Variants in RP1 observed in about 807,000 individuals in gnomAD.
RP1 encodes oxygen-regulated protein 1.
A neutral mutation model predicts 14.8 loss-of-function variants in RP1; 16 were observed. The observed-to-expected ratio is 1.08, with a 90% CI of 0.73 to 1.65. The LOEUF is 1.65. Among genes scored for constraint, RP1 ranks in the 40% most tolerant of loss-of-function variants. The probability of loss-of-function intolerance (pLI) is 0.00; values close to 1 mark genes in which losing one functional copy is unlikely to be tolerated. For synonymous variants in RP1, 876 were observed against 883.6 expected (o/e 0.99, Z 0.15); for missense variants, 2,631 against 2,535.0 (o/e 1.04, Z -0.81).
chr8:54,598,383 A>G (rs1358863745), intron 1 of RP1, among the ~76,000 whole-genome samples: 5 of 152,174 alleles, frequency 3.3e-5, no homozygotes, highest in Non-Finnish European at 7.4e-5. Context: ...TACCAGTGTT[A>G]AGTGTAGCCC....
chr8:54,815,611 G>A (rs79468284), intron 24 of RP1, among the ~76,000 whole-genome samples: 1,530 of 152,252 alleles, frequency 0.01, 21 homozygotes, highest in African/African-American at 0.035. Flanking sequence ...CTTAATGGCA[G>A]ACAGATGGGT....
chr8:54,697,889 C>T (rs933171674), intron 12 of RP1, among the ~76,000 whole-genome samples: 1 of 152,042 alleles, frequency 6.6e-6, no homozygotes, highest in East Asian at 1.9e-4. Context: ...CAAAAATTAA[C>T]TCAAGATGGA....
intron 1 of RP1, among the ~76,000 whole-genome samples, chr8:54,576,043 CTTT>C (rs11443511): frequency 7.1e-6 from 1 of 140,016 alleles, no homozygotes. Flanking sequence ...CTGTCAGACT[CTTT>C]TTTTTTTTTT....
chr8:54,755,848 G>T, intron 21 of RP1: 5 of 1,302,372 alleles, frequency 3.8e-6, no homozygotes, highest in Non-Finnish European at 5.0e-6. Flanking sequence ...AATTTAAAAG[G>T]CGTTTGGCAC....
chr8:54,841,068 A>G (rs1411994722), intron 25 of RP1, among the ~76,000 whole-genome samples: 2 of 152,184 alleles, frequency 1.3e-5, no homozygotes, highest in Non-Finnish European at 2.9e-5. Context: ...GTGGGTAAGG[A>G]GTGGTCTGGG....
intron 12 of RP1, among the ~76,000 whole-genome samples, chr8:54,695,384 A>G (rs1465327398): frequency 6.6e-6 from 1 of 152,254 alleles, no homozygotes; most frequent in African/African-American, 2.4e-5. Flanking sequence ...ATCTCTTCAT[A>G]GAACTTGTAG....
At chr8:54,771,275 C>G (rs567755805), downstream of RP1, among the ~76,000 whole-genome samples, 49 of 151,982 alleles carry the variant, frequency 3.2e-4, no homozygotes, top group African/African-American at 1.1e-3. Flanking sequence ...TACAATAAAC[C>G]GTCAAGTAAT....
At chr8:54,660,787 T>G (rs1157912996) in intron 6 of RP1, among the ~76,000 whole-genome samples, 1 of 152,176 alleles carries the variant, frequency 6.6e-6, no homozygotes, top group Non-Finnish European at 1.5e-5. Flanking sequence ...TATTTCAGTT[T>G]ACCCAGTAGA....
In RP1 at chr8:54,626,438, G is replaced by A. The variant is rs1385725559; in HGVS notation, c.2556G>A (p.Lys852=). The change falls in exon 4 of 4, where the codon AAG becomes AAA. Residue 852 remains lysine, a synonymous_variant. Coordinates refer to ENST00000220676, the MANE Select transcript of RP1 (RefSeq NM_006269.2). The part of the protein sequence containing the change: ...VASGYLRGMA[K]KSLVSKVTDS... ...CTGGGTATTTGAGAGGAATGGCAAA[G>A]AAGAGTTTAGTTTCAAAAGTTACTG... The A allele has an allele frequency of 8.7e-6, 14 of 1,613,596 alleles. No homozygotes were observed. The highest frequency in any genetic ancestry group is 5.3e-5 in the African/African-American group (4 of 74,862).
intron 12 of RP1, among the ~76,000 whole-genome samples, chr8:54,685,137 G>GT (rs989877502): frequency 6.6e-6 from 1 of 152,074 alleles, no homozygotes; most frequent in South Asian, 2.1e-4. Context: ...TTTTTGAAGG[G>GT]TTTTTTATGT....
chr8:54,646,323 T>A (rs985297828), intron 3 of RP1, among the ~76,000 whole-genome samples: 5 of 151,930 alleles, frequency 3.3e-5, no homozygotes, highest in African/African-American at 4.8e-5. Context: ...TCTGTCTCCT[T>A]CTAATTTTTC....
At chr8:54,680,971 A>AC (rs1220080331) in intron 12 of RP1, among the ~76,000 whole-genome samples, 1 of 151,722 alleles carries the variant, frequency 6.6e-6, no homozygotes, top group Non-Finnish European at 1.5e-5. Flanking sequence ...CAAAAAAAAA[A>AC]AACAAAAAAG....
chr8:54,777,091 A>G (rs1228253330), intron 23 of RP1, among the ~76,000 whole-genome samples: 1 of 152,208 alleles, frequency 6.6e-6, no homozygotes, highest in African/African-American at 2.4e-5. Flanking sequence ...TCTTTCCGAT[A>G]AAATGTAGGT....
At chr8:54,699,388 A>G (rs1206663808) in intron 12 of RP1, 1 of 500,958 alleles carries the variant, frequency 2.0e-6, no homozygotes, top group Non-Finnish European at 3.2e-6. Context: ...ATATATTATT[A>G]AGAGATTTCA....
intron 1 of RP1, among the ~76,000 whole-genome samples, chr8:54,598,110 A>G (rs930477657): frequency 6.6e-6 from 1 of 152,198 alleles, no homozygotes; most frequent in African/African-American, 2.4e-5. Flanking sequence ...TAAATCATAT[A>G]GCATATGAGT....
exon 9 of RP1, chr8:54,678,499 C>A: frequency 6.5e-7 from 1 of 1,534,120 alleles, no homozygotes; most frequent in Non-Finnish European, 8.7e-7. Context: ...TATCAAGGAT[C>A]CCACAACAAA....
intron 12 of RP1, among the ~76,000 whole-genome samples, chr8:54,693,355 A>G (rs1170456155): frequency 6.6e-6 from 1 of 152,162 alleles, no homozygotes; most frequent in African/African-American, 2.4e-5. Flanking sequence ...TTCTGTGAAG[A>G]AAGTCATTGG....
rs188693569 is a variant in RP1 at position 54,790,645 on chromosome 8, C to G, written c.3615+6935C>G. Among the ~76,000 whole-genome samples the G allele has an allele frequency of 1.7e-4, 25 of 149,304 alleles. No homozygotes were observed. In the East Asian group the frequency reaches 4.1e-3, roughly 24 times the overall value. On this transcript the variant is annotated intron_variant, in intron 24 of 28. Coordinates refer to the RP1 transcript ENST00000637698. ...AACTATTATAGAAGTTCAACAAGGA[C>G]ATAGAAACCATTAAATAAAATTAAA...
At chr8:54,590,908 C>T (rs1805031238) in intron 1 of RP1, among the ~76,000 whole-genome samples, 1 of 152,202 alleles carries the variant, frequency 6.6e-6, no homozygotes, top group African/African-American at 2.4e-5. Context: ...CTTCTCAAGC[C>T]TTCCCCGTAT....
Sources: allele counts gnomAD v4.1 joint callset (sites outside exome capture counted in the v4.1 genomes callset), GRCh38; gene constraint gnomAD v4.1.1; transcripts MANE v1.5; gene names NCBI Gene and HGNC (gene_info 2026-07-23, HGNC 2026-07-21).